Variants in PSMA1 observed in about 807,000 individuals in gnomAD.
The protein encoded by PSMA1 is proteasome subunit alpha type-1.
In PSMA1, 3 loss-of-function variants were observed where a neutral mutation model predicts 38.4. That is an observed-to-expected ratio of 0.08 (90% CI 0.04 to 0.20). The LOEUF is 0.20. PSMA1 is among the 10% of genes least tolerant of loss of function. The pLI is 1.00. For missense variants in PSMA1, 227 were observed against 325.3 expected (o/e 0.70, Z 2.32); for synonymous variants, 101 against 107.1 (o/e 0.94, Z 0.35).
chr11:14,548,154 A>G (rs1306132492), intron 2 of PSMA1, among the ~76,000 whole-genome samples: 1 of 149,956 alleles, frequency 6.7e-6, no homozygotes, highest in African/African-American at 2.5e-5. Context: ...TTTAATATTT[A>G]TAACATACCT....
chr11:14,507,704 C>A lies in PSMA1; in HGVS notation c.687G>T (p.Val229=). 6.2e-7 allele frequency: 1 copy of A among 1,613,062 alleles called. No individual in the cohort carries two copies. The highest frequency in any genetic ancestry group is 8.5e-7 in the Non-Finnish European group (1 of 1,179,356). ...LEFTIYDDDD[V]SPFLEGLEER... Reference sequence around the variant, plus strand: ...CTTCAAGACCTTCCAGGAATGGAGACACATCATCATCATCATAGATTGTAA... The same window carrying A: ...CTTCAAGACCTTCCAGGAATGGAGAAACATCATCATCATCATAGATTGTAA... The change falls in exon 9 of 10, where the codon GTG becomes GTT. Residue 229 remains valine, a synonymous_variant. Coordinates refer to ENST00000396394, the MANE Select transcript of PSMA1 (RefSeq NM_002786.4).
intron 2 of PSMA1, among the ~76,000 whole-genome samples, chr11:14,543,103 T>A (rs1451403595): frequency 4.6e-5 from 7 of 152,198 alleles, no homozygotes; most frequent in Non-Finnish European, 8.8e-5. Context: ...AGTGCTGGGA[T>A]TACAAGCGTG....
intron 2 of PSMA1, among the ~76,000 whole-genome samples, chr11:14,574,556 TC>T (rs1342168162): frequency 6.6e-6 from 1 of 152,164 alleles, no homozygotes; most frequent in Non-Finnish European, 1.5e-5. Flanking sequence ...GTTCCCATAA[TC>T]CCCATGTGTT....
intron 2 of PSMA1, among the ~76,000 whole-genome samples, chr11:14,536,159 A>G (rs1438671863): frequency 6.6e-6 from 1 of 152,170 alleles, no homozygotes; most frequent in African/African-American, 2.4e-5. Context: ...TCACCTTACT[A>G]TATACTAAGC....
chr11:14,572,388 ACTGAACAACCTGCTC>A (rs1442038088), intron 2 of PSMA1, among the ~76,000 whole-genome samples: 1 of 152,234 alleles, frequency 6.6e-6, no homozygotes, highest in Non-Finnish European at 1.5e-5. Context: ...CTACATGGAA[ACTGAACAACCTGCTC>A]CTGAACGACT....
At chr11:14,584,390 A>G (rs1426746696) in intron 2 of PSMA1, among the ~76,000 whole-genome samples, 1 of 151,900 alleles carries the variant, frequency 6.6e-6, no homozygotes, top group Non-Finnish European at 1.5e-5. Flanking sequence ...TATTTCCCTT[A>G]CTTTTTAAGT....
At chr11:14,630,627 T>G (rs988101056) in intron 1 of PSMA1, among the ~76,000 whole-genome samples, 16 of 151,582 alleles carry the variant, frequency 1.1e-4, no homozygotes, top group African/African-American at 3.9e-4. Context: ...TAAAATTCTC[T>G]TTTTTTGTTG....
chr11:14,507,840 G>A, intron 8 of PSMA1, 74 bp from the exon 9 acceptor site: 1 of 959,380 alleles, frequency 1.0e-6, no homozygotes, highest in African/African-American at 1.7e-5. Flanking sequence ...AATATTGGGT[G>A]AAAAAAGCAG....
chr11:14,598,051 G>C (rs1852524103), intron 2 of PSMA1, among the ~76,000 whole-genome samples: 1 of 152,196 alleles, frequency 6.6e-6, no homozygotes, highest in South Asian at 2.1e-4. Flanking sequence ...CCATGTAGTT[G>C]TGTGGTTTTT....
intron 2 of PSMA1, among the ~76,000 whole-genome samples, chr11:14,542,686 A>C (rs1851785573): frequency 1.3e-5 from 2 of 152,222 alleles, no homozygotes; most frequent in African/African-American, 2.4e-5. Flanking sequence ...ACAGGGCTGG[A>C]AGGGACTTCC....
intron 1 of PSMA1, among the ~76,000 whole-genome samples, chr11:14,639,040 T>C (rs890812273): frequency 2.6e-4 from 40 of 152,292 alleles, no homozygotes; most frequent in Non-Finnish European, 5.4e-4. Flanking sequence ...AAAAGTATAA[T>C]AGTAAATTTG....
chr11:14,620,055 C>T (rs1045564869), intron 1 of PSMA1, among the ~76,000 whole-genome samples: 11 of 151,764 alleles, frequency 7.2e-5, no homozygotes, highest in Middle Eastern at 3.4e-3. Context: ...TATAAACACT[C>T]GTGTGTGTGT....
chr11:14,553,444 T>C (rs1435183076), intron 2 of PSMA1, among the ~76,000 whole-genome samples: 2 of 152,150 alleles, frequency 1.3e-5, no homozygotes, highest in Non-Finnish European at 2.9e-5. Context: ...ACTACAAATA[T>C]CCCAAATGCT....
intron 2 of PSMA1, among the ~76,000 whole-genome samples, chr11:14,596,979 C>T (rs573762384): frequency 6.6e-6 from 1 of 152,202 alleles, no homozygotes; most frequent in East Asian, 1.9e-4. Context: ...TGTCGAAGGC[C>T]TTTTCTGCAT....
At chr11:14,520,143 G>A in intron 1 of PSMA1, 154 bp downstream of exon 1, 1 of 1,221,050 alleles carries the variant, frequency 8.2e-7, no homozygotes, top group Non-Finnish European at 1.2e-6. Flanking sequence ...GGCCAGGCCG[G>A]AGATGCTGAA....
intron 2 of PSMA1, among the ~76,000 whole-genome samples, chr11:14,518,439 C>T (rs979909849): frequency 3.9e-5 from 6 of 152,246 alleles, no homozygotes; most frequent in South Asian, 2.1e-4. Flanking sequence ...GTATATTTAA[C>T]GTATGCAACA....
chr11:14,571,428 A>G (rs1193204489), intron 2 of PSMA1, among the ~76,000 whole-genome samples: 2 of 152,194 alleles, frequency 1.3e-5, no homozygotes, highest in Non-Finnish European at 2.9e-5. Context: ...AAGCTTCACA[A>G]GTGAAGGAGA....
intron 8 of PSMA1, 84 bp from the exon 9 acceptor site, chr11:14,507,850 G>C (rs1347240633): frequency 7.5e-6 from 7 of 931,266 alleles, no homozygotes; most frequent in Non-Finnish European, 1.2e-5. Context: ...GAAAAAAGCA[G>C]AATAAGAATT....
chr11:14,591,424 A>G (rs1387505894), intron 2 of PSMA1, among the ~76,000 whole-genome samples: 1 of 152,110 alleles, frequency 6.6e-6, no homozygotes, highest in Non-Finnish European at 1.5e-5. Context: ...AGTCCCATTG[A>G]CCACCCAAGG....
Sources: gnomAD v4.1 joint callset for allele counts (sites outside exome capture counted in the v4.1 genomes callset) on GRCh38, gnomAD v4.1.1 for gene constraint, MANE v1.5 for transcripts, NCBI Gene and HGNC (gene_info 2026-07-23, HGNC 2026-07-21) for gene names.